RGS6: variants seen among roughly 807,000 people sequenced by gnomAD.
The protein encoded by RGS6 is regulator of G protein signaling 6, also known as regulator of G-protein signaling 6.
Under a neutral mutation model 78.5 loss-of-function variants are expected in RGS6, and 30 were observed. The ratio of observed to expected loss-of-function variants is 0.38; its 90% CI spans 0.29 to 0.52. The LOEUF (loss-of-function observed/expected upper bound fraction) is 0.52, where lower values mean the gene tolerates loss of function less well. Among genes scored for constraint, RGS6 ranks in the 20% least tolerant of loss-of-function variants. The pLI is 0.85. For synonymous variants in RGS6, 206 were observed against 206.0 expected, an observed-to-expected ratio of 1.00 and a Z score of 0.00; for missense variants, 495 against 609.7, an observed-to-expected ratio of 0.81 and a Z score of 1.98.
At chr14:72,083,992 A>C in intron 2 of RGS6, among the ~76,000 whole-genome samples, 1 of 152,230 alleles carries the variant, frequency 6.6e-6, no homozygotes, top group Non-Finnish European at 1.5e-5. Context: ...TCATGTAATG[A>C]TATTCCATGT....
intron 2 of RGS6, among the ~76,000 whole-genome samples, chr14:71,992,002 C>A (rs538657823): frequency 4.0e-5 from 6 of 149,966 alleles, no homozygotes; most frequent in Admixed American, 2.7e-4. Flanking sequence ...CTGTAGTTTG[C>A]CTATGCTTGT....
the RGS6 span, among the ~76,000 whole-genome samples, chr14:72,620,637 G>A: frequency 1.3e-5 from 2 of 152,156 alleles, no homozygotes; most frequent in African/African-American, 4.8e-5. Flanking sequence ...GCTCTCCCAG[G>A]CCCTGACCCT....
At chr14:72,103,685 A>G (rs1455298310) in intron 2 of RGS6, among the ~76,000 whole-genome samples, 2 of 152,236 alleles carry the variant, frequency 1.3e-5, no homozygotes, top group Admixed American at 6.5e-5. Flanking sequence ...CCAGATTGAA[A>G]TGAATAGGCC....
chr14:72,094,315 T>G (rs1008129166), intron 2 of RGS6, among the ~76,000 whole-genome samples: 1 of 152,224 alleles, frequency 6.6e-6, no homozygotes, highest in African/African-American at 2.4e-5. Flanking sequence ...AATAAATGGT[T>G]TTCATATTGT....
At chr14:72,202,262 A>C (rs1363553868) in intron 2 of RGS6, among the ~76,000 whole-genome samples, 4 of 152,206 alleles carry the variant, frequency 2.6e-5, no homozygotes, top group South Asian at 2.1e-4. Context: ...GAGACCATGC[A>C]TCAACCCTAC....
intron 1 of RGS6, among the ~76,000 whole-genome samples, chr14:71,956,529 A>T (rs2153019193): frequency 6.6e-6 from 1 of 152,164 alleles, no homozygotes; most frequent in African/African-American, 2.4e-5. Flanking sequence ...AAGAACTTGT[A>T]GTCCCAAGTT....
intron 2 of RGS6, among the ~76,000 whole-genome samples, chr14:72,202,736 C>A (rs1448529280): frequency 6.6e-6 from 1 of 151,834 alleles, no homozygotes; most frequent in Non-Finnish European, 1.5e-5. Context: ...AGGGGAGGGT[C>A]CTGGGGAGGG....
intron 12 of RGS6, among the ~76,000 whole-genome samples, chr14:72,479,905 G>A (rs764452574): frequency 3.3e-5 from 5 of 152,126 alleles, no homozygotes; most frequent in East Asian, 3.9e-4. Flanking sequence ...TTTGAGGGTC[G>A]GTGTGCTAGC....
intron 2 of RGS6, among the ~76,000 whole-genome samples, chr14:72,160,777 G>C (rs2096841840): frequency 6.6e-6 from 1 of 152,144 alleles, no homozygotes; most frequent in Non-Finnish European, 1.5e-5. Flanking sequence ...TAACCGTGCT[G>C]ACACCTTGAC....
intron 7 of RGS6, among the ~76,000 whole-genome samples, 182 bp downstream of exon 7, chr14:72,466,004 G>A (rs749967544): frequency 3.3e-5 from 5 of 151,822 alleles, no homozygotes; most frequent in Admixed American, 3.3e-4. Flanking sequence ...ATAAGATGGT[G>A]TTTTTACATA....
At chr14:72,541,971 A>T (rs2040331280) in intron 17 of RGS6, among the ~76,000 whole-genome samples, 1 of 152,186 alleles carries the variant, frequency 6.6e-6, no homozygotes, top group South Asian at 2.1e-4. Context: ...AAGCATTTGG[A>T]ACAAGAAAGC....
At chr14:72,073,403 A>G (rs969019887) in intron 2 of RGS6, among the ~76,000 whole-genome samples, 4 of 152,236 alleles carry the variant, frequency 2.6e-5, no homozygotes, top group Non-Finnish European at 4.4e-5. Flanking sequence ...CATTTCTAAT[A>G]TTAAACACTG....
the RGS6 span, among the ~76,000 whole-genome samples, chr14:71,892,059 C>T: frequency 6.6e-6 from 1 of 152,182 alleles, no homozygotes; most frequent in Admixed American, 6.5e-5. Context: ...CTTCATTACA[C>T]ATGAATCTCA....
At chr14:72,289,107 C>T (rs2063119292) in intron 2 of RGS6, among the ~76,000 whole-genome samples, 1 of 152,200 alleles carries the variant, frequency 6.6e-6, no homozygotes, top group Admixed American at 6.5e-5. Flanking sequence ...AGTCTTTGAA[C>T]TTTCCCTACC....
At chr14:72,098,581 G>A (rs767159942) in intron 2 of RGS6, among the ~76,000 whole-genome samples, 28 of 152,172 alleles carry the variant, frequency 1.8e-4, no homozygotes, top group African/African-American at 3.6e-4. Context: ...ACAGGCACAG[G>A]ATTTTTGGAG....
rs553865600 is a variant in RGS6 at position 72,308,947 on chromosome 14, A to G, written c.85-43148A>G. Reference sequence around the variant, plus strand: ...CTTCACTTTAGGATCTTTTTCTCTAAAAAGCCTCTCTCAACAGGGATAATA... The same window carrying G: ...CTTCACTTTAGGATCTTTTTCTCTAGAAAGCCTCTCTCAACAGGGATAATA... On this transcript the variant is annotated intron_variant, in intron 2 of 17. Transcript: ENST00000553525. Among the ~76,000 whole-genome samples, 6 of 152,308 alleles carry G rather than the reference A, an allele frequency of 3.9e-5. No homozygotes were observed. In the East Asian group the frequency reaches 1.2e-3, roughly 29 times the overall value.
At chr14:71,995,611 G>T (rs934536959) in intron 2 of RGS6, among the ~76,000 whole-genome samples, 2 of 152,314 alleles carry the variant, frequency 1.3e-5, no homozygotes, top group Middle Eastern at 3.4e-3. Context: ...CCTCATAGGG[G>T]TGTTGAGAGA....
In RGS6 at chr14:72,453,503, C is replaced by G. The variant is rs537806998; in HGVS notation, c.185-1025C>G. On this transcript the variant is annotated intron_variant, in intron 3 of 17. Coordinates refer to ENST00000553525, the MANE Select transcript of RGS6 (RefSeq NM_001204424.2). Reference sequence around the variant, plus strand: ...TAGTGGCAGGCGCCTGTAGTCCCAGCTACTTGGGAGGCTGAGGCAGGAGAA... The same window carrying G: ...TAGTGGCAGGCGCCTGTAGTCCCAGGTACTTGGGAGGCTGAGGCAGGAGAA... Among the ~76,000 whole-genome samples the G allele has an allele frequency of 3.7e-3, 531 of 145,254 alleles. 14 individuals carry two copies. The highest frequency in any genetic ancestry group is 0.013 in the African/African-American group (511 of 38,512).
At chr14:72,015,489 C>G (rs538622632) in intron 2 of RGS6, among the ~76,000 whole-genome samples, 1 of 152,312 alleles carries the variant, frequency 6.6e-6, no homozygotes, top group Admixed American at 6.5e-5. Context: ...CAAGAGTCTT[C>G]ATCTGTTCAC....
Sources: allele counts gnomAD v4.1 joint callset (sites outside exome capture counted in the v4.1 genomes callset), GRCh38; gene constraint gnomAD v4.1.1; transcripts MANE v1.5; gene names NCBI Gene and HGNC (gene_info 2026-07-23, HGNC 2026-07-21).